Variants in PBX3 observed in about 807,000 individuals in gnomAD.
PBX3 encodes PBX homeobox 3.
In PBX3, 14 loss-of-function variants were observed where a neutral mutation model predicts 48.5. The observed-to-expected ratio is 0.29, with a 90% CI of 0.19 to 0.45. The LOEUF (loss-of-function observed/expected upper bound fraction) is 0.45. Among genes scored for constraint, PBX3 ranks in the 20% least tolerant of loss-of-function variants. The probability of loss-of-function intolerance (pLI) is 1.00; values close to 1 mark genes in which losing one functional copy is unlikely to be tolerated. For missense variants in PBX3, 386 were observed against 546.7 expected (o/e 0.71, Z 2.93); for synonymous variants, 210 against 200.3 (o/e 1.05, Z -0.41).
rs978757816 is a variant in PBX3 at position 125,943,206 on chromosome 9, A to T, written c.843+7599A>T. On this transcript the variant is annotated intron_variant, in intron 5 of 8. Transcript: ENST00000373489. ...CCTCGTCTCTACTAAAATACAAAAA[A>T]TTAGCCGGGCGTGGTGGCACACGCC... is the stretch of plus-strand genomic sequence containing the variant. Among the ~76,000 whole-genome samples, 9 of 151,974 alleles carry T rather than the reference A, an allele frequency of 5.9e-5. No individual in the cohort carries two copies. The East Asian group carries it at 1.7e-3, about 29-fold the overall frequency.
At chr9:125,923,496 T>A (rs574407909) in intron 3 of PBX3, among the ~76,000 whole-genome samples, 2 of 152,332 alleles carry the variant, frequency 1.3e-5, no homozygotes, top group South Asian at 4.1e-4. Flanking sequence ...GCGTTTGGGT[T>A]GGTGGCTTAC....
intron 2 of PBX3, among the ~76,000 whole-genome samples, chr9:125,773,169 C>G (rs989749420): frequency 2.6e-5 from 4 of 152,130 alleles, no homozygotes; most frequent in Admixed American, 1.3e-4. Flanking sequence ...ACTTATGAGA[C>G]TTTCGTAGAT....
In PBX3 at chr9:125,966,661, G is replaced by T. The variant is rs1448823662; in HGVS notation, c.*738G>T. On this transcript the variant is annotated 3_prime_UTR_variant, in exon 9 of 9. Transcript: ENST00000373489. ...CTGGGTGCTGCACAGACTTGTCAAGGTTTGCTACGTCCTCTGGGCATCTGC... is the reference window on the plus strand; with the variant it reads ...CTGGGTGCTGCACAGACTTGTCAAGTTTTGCTACGTCCTCTGGGCATCTGC... 2.0e-5 allele frequency: 3 copies of T among 152,656 alleles called. No individual in the cohort carries two copies. The highest frequency in any genetic ancestry group is 4.4e-5 in the Non-Finnish European group (3 of 68,076). The allele number at this position is 152,656 out of a possible 1,614,324, so 9.5% of individuals were successfully genotyped here. A position where few individuals can be genotyped will look rare whatever the true frequency, so the allele number is the denominator to read the frequency against.
At chr9:125,886,998 A>T (rs772142018) in intron 2 of PBX3, among the ~76,000 whole-genome samples, 42 of 152,148 alleles carry the variant, frequency 2.8e-4, no homozygotes, top group Admixed American at 7.9e-4. Flanking sequence ...AAGGCTTTTC[A>T]TACTTTGGTC....
rs111561838 is a variant in PBX3, at chr9:125,863,103, G to C, written c.275-52583G>C. Among the ~76,000 whole-genome samples, 142 of 151,836 alleles carry C rather than the reference G, an allele frequency of 9.4e-4. 2 individuals are homozygous for C. The highest frequency in any genetic ancestry group is 3.4e-3 in the African/African-American group (139 of 41,378). Reference sequence around the variant, plus strand: ...TGTAGAGATGAGGTCTTGCTTTGTTGGCCAGGCTGGTCTTGAACTCCTGGG... The same window carrying C: ...TGTAGAGATGAGGTCTTGCTTTGTTCGCCAGGCTGGTCTTGAACTCCTGGG... On this transcript the variant is annotated intron_variant, in intron 2 of 8. Transcript: ENST00000373489.
At chr9:125,858,572 T>C (rs1839781055) in intron 2 of PBX3, among the ~76,000 whole-genome samples, 1 of 150,754 alleles carries the variant, frequency 6.6e-6, no homozygotes, top group South Asian at 2.1e-4. Context: ...TTCCAGAAAG[T>C]AAATGCATAT....
intron 2 of PBX3, among the ~76,000 whole-genome samples, chr9:125,861,826 A>C (rs978269934): frequency 6.6e-6 from 1 of 152,224 alleles, no homozygotes; most frequent in East Asian, 1.9e-4. Flanking sequence ...CAAGGGACAT[A>C]GGGTGATGAG....
intron 2 of PBX3, among the ~76,000 whole-genome samples, chr9:125,772,480 A>T (rs1422488178): frequency 2.0e-5 from 3 of 152,190 alleles, no homozygotes; most frequent in Non-Finnish European, 4.4e-5. Context: ...GAGATACAGT[A>T]AGAGTAGTCT....
chr9:125,847,645 T>C (rs1839461213), intron 2 of PBX3, among the ~76,000 whole-genome samples: 2 of 151,930 alleles, frequency 1.3e-5, no homozygotes, highest in African/African-American at 2.4e-5. Context: ...CTTTCAGTAG[T>C]GGCATTAGGA....
At chr9:125,748,506 A>G in intron 1 of PBX3, 44 bp from the exon 2 acceptor site, 1 of 1,603,714 alleles carries the variant, frequency 6.2e-7, no homozygotes, top group Non-Finnish European at 8.5e-7. Context: ...ATATTATTCC[A>G]TAGGTGATGC....
chr9:125,892,434 T>A (rs368073044), intron 2 of PBX3, among the ~76,000 whole-genome samples: 12 of 152,178 alleles, frequency 7.9e-5, no homozygotes, highest in African/African-American at 2.4e-4. Context: ...ATATTTATTT[T>A]AAAAATATTT....
chr9:125,793,357 G>GGA (rs1443557451), intron 2 of PBX3, among the ~76,000 whole-genome samples: 4 of 109,068 alleles, frequency 3.7e-5, no homozygotes, highest in African/African-American at 1.6e-4. Flanking sequence ...ATTTGGGGGG[G>GGA]AAAAAAAAAA....
At chr9:125,926,552 C>T (rs568350957) in intron 3 of PBX3, among the ~76,000 whole-genome samples, 1 of 152,026 alleles carries the variant, frequency 6.6e-6, no homozygotes, top group East Asian at 1.9e-4. Context: ...ATTACAGGCT[C>T]ATGCCTATAA....
intron 2 of PBX3, among the ~76,000 whole-genome samples, chr9:125,897,888 A>G (rs1197821152): frequency 1.3e-5 from 2 of 151,934 alleles, no homozygotes; most frequent in Non-Finnish European, 2.9e-5. Context: ...AATTTAAAGT[A>G]TACTTATTTC....
chr9:125,800,468 A>G (rs1837906918), intron 2 of PBX3, among the ~76,000 whole-genome samples: 1 of 152,206 alleles, frequency 6.6e-6, no homozygotes, highest in African/African-American at 2.4e-5. Flanking sequence ...GCAGTAAATT[A>G]TTGTGCCAAT....
At chr9:125,831,515 A>G (rs1838961832) in intron 2 of PBX3, among the ~76,000 whole-genome samples, 1 of 151,282 alleles carries the variant, frequency 6.6e-6, no homozygotes, top group South Asian at 2.1e-4. Flanking sequence ...AAAGAGCTTT[A>G]TCCATTCACT....
At chr9:125,821,340 C>T (rs1025907559) in intron 2 of PBX3, among the ~76,000 whole-genome samples, 28 of 152,082 alleles carry the variant, frequency 1.8e-4, no homozygotes, top group South Asian at 6.2e-4. Flanking sequence ...TAATAAGAAA[C>T]GCATAGAGGT....
intron 2 of PBX3, among the ~76,000 whole-genome samples, chr9:125,771,251 C>T (rs1588130355): frequency 6.6e-6 from 1 of 152,214 alleles, no homozygotes; most frequent in East Asian, 1.9e-4. Flanking sequence ...GTAGACACAA[C>T]ATCCCAGGCT....
intron 2 of PBX3, among the ~76,000 whole-genome samples, chr9:125,879,628 GAATA>G (rs66827434): frequency 0.3 from 44,983 of 151,736 alleles, 8,005 homozygotes; most frequent in Middle Eastern, 0.41. Flanking sequence ...ATTATTAGAA[GAATA>G]AATGCCATAT....
Sources: gnomAD v4.1 joint callset for allele counts (sites outside exome capture counted in the v4.1 genomes callset) on GRCh38, gnomAD v4.1.1 for gene constraint, MANE v1.5 for transcripts, NCBI Gene and HGNC (gene_info 2026-07-23, HGNC 2026-07-21) for gene names.